The following TRDN variants were observed in gnomAD, a reference collection of about 807,000 sequenced individuals.
TRDN encodes triadin in skeletal muscle.
TRDN carries 161 observed loss-of-function variants against 149.7 expected under a neutral mutation model. The observed-to-expected ratio is 1.08, with a 90% CI of 0.95 to 1.23. The LOEUF (loss-of-function observed/expected upper bound fraction) is 1.23. Among genes scored for constraint, TRDN ranks in the 50% most tolerant of loss-of-function variants. TRDN has a pLI of 0.00. For synonymous variants in TRDN, 294 were observed against 250.5 expected (o/e 1.17, Z -1.64); for missense variants, 896 against 823.5 (o/e 1.09, Z -1.08).
chr6:123,388,487 AC>A (rs1241823324), intron 14 of TRDN, 34 bp downstream of exon 14: 97 of 1,575,998 alleles, frequency 6.2e-5, no homozygotes, highest in Non-Finnish European at 8.1e-5. Flanking sequence ...AATTGTACTC[AC>A]AAAAGGCTCA....
intron 34 of TRDN, 65 bp from the exon 35 acceptor site, chr6:123,259,727 G>C: frequency 8.5e-7 from 1 of 1,169,814 alleles, no homozygotes; most frequent in Non-Finnish European, 1.2e-6. Flanking sequence ...ACTCATTCTT[G>C]GAGTAAACAG....
intron 24 of TRDN, among the ~76,000 whole-genome samples, chr6:123,304,491 A>G (rs916426632): frequency 2.0e-5 from 3 of 151,902 alleles, no homozygotes; most frequent in African/African-American, 7.3e-5. Flanking sequence ...TGACCTCATG[A>G]TCCGCCAGCC....
chr6:123,464,701 A>G (rs1211309633), intron 10 of TRDN: 1 of 1,342,624 alleles, frequency 7.4e-7, no homozygotes, highest in South Asian at 1.9e-5. Flanking sequence ...GCTGAGGGTC[A>G]CCAATATAGA....
At position 123,389,552 on chromosome 6, in the gene TRDN, C is replaced by T. The variant is rs1241805747; in HGVS notation, c.1106-1001G>A. The T allele has an allele frequency of 2.6e-5, 4 of 152,068 alleles. No homozygotes were observed. In the South Asian group the frequency reaches 8.3e-4, roughly 32 times the overall value. 9.4% of individuals were successfully genotyped at this position (152,068 alleles called of 1,614,324 possible). On this transcript the variant is annotated intron_variant, in intron 13 of 40. Transcript: ENST00000334268. ...AGAGCAGAAAATGAAGCCTCTGAAACATTAAAATAATTTGCAGAGTATAAG... is the reference window on the plus strand; with the variant it reads ...AGAGCAGAAAATGAAGCCTCTGAAATATTAAAATAATTTGCAGAGTATAAG...
In TRDN at chr6:123,218,615, G is replaced by C; in HGVS notation, c.2176C>G (p.Gln726Glu). The change falls in exon 41 of 41, where the codon CAA becomes GAA. Residue 726 changes from glutamine to glutamate, a missense_variant. Transcript: ENST00000334268. Reference sequence around the variant, plus strand: ...TACATGTGTGTTTACTGTCCTTGTTGCTTCTGTCCTGGAGAATTTGCTTGA... The same window carrying C: ...TACATGTGTGTTTACTGTCCTTGTTCCTTCTGTCCTGGAGAATTTGCTTGA... ...SGQANSPGQK[Q>E]QGQ The C allele has an allele frequency of 6.2e-7, 1 of 1,611,506 alleles. No individual in the cohort carries two copies. Among genetic ancestry groups the C allele is most frequent in the Non-Finnish European group, 8.5e-7 (1 of 1,178,506 alleles).
At chr6:123,536,746 G>A (rs1218089359) in intron 4 of TRDN, among the ~76,000 whole-genome samples, 1 of 148,542 alleles carries the variant, frequency 6.7e-6, no homozygotes, top group African/African-American at 2.5e-5. Flanking sequence ...TGAGCTGGGT[G>A]TGGTGGTGCA....
At chr6:123,225,527 CACACACA>C (rs1775321909) in intron 38 of TRDN, among the ~76,000 whole-genome samples, 1 of 86,480 alleles carries the variant, frequency 1.2e-5, no homozygotes, top group Non-Finnish European at 3.4e-5. Context: ...CACACACACA[CACACACA>C]TACACACACA....
At chr6:123,229,161 G>C (rs1419294817) in intron 38 of TRDN, among the ~76,000 whole-genome samples, 2 of 151,870 alleles carry the variant, frequency 1.3e-5, no homozygotes, top group Admixed American at 6.6e-5. Flanking sequence ...TCCTATCCAA[G>C]CAGTTGTCTG....
chr6:123,436,113 A>G (rs561941129), intron 12 of TRDN, among the ~76,000 whole-genome samples: 1 of 152,234 alleles, frequency 6.6e-6, no homozygotes, highest in East Asian at 1.9e-4. Context: ...TTACAACTCA[A>G]AATTTTCTTC....
intron 21 of TRDN, chr6:123,352,152 G>C (rs1780483436): frequency 1.0e-6 from 1 of 983,694 alleles, no homozygotes; most frequent in South Asian, 4.7e-5. Flanking sequence ...AATAGTTTTT[G>C]CATGTATAGG....
At chr6:123,309,591 A>G (rs753772666) in intron 24 of TRDN, among the ~76,000 whole-genome samples, 5 of 152,014 alleles carry the variant, frequency 3.3e-5, no homozygotes, top group Non-Finnish European at 7.4e-5. Flanking sequence ...CATACTTTAT[A>G]GTAATTTCCT....
intron 23 of TRDN, among the ~76,000 whole-genome samples, chr6:123,328,258 G>A (rs897591146): frequency 6.6e-6 from 1 of 152,148 alleles, no homozygotes; most frequent in Non-Finnish European, 1.5e-5. Context: ...CACCTGGCAC[G>A]CATGCCCTCA....
At chr6:123,533,969 A>G (rs748084972) in intron 4 of TRDN, among the ~76,000 whole-genome samples, 1 of 152,144 alleles carries the variant, frequency 6.6e-6, no homozygotes, top group Non-Finnish European at 1.5e-5. Flanking sequence ...ACCCAGTTCT[A>G]CAACTTAGAT....
chr6:123,524,445 A>G (rs1475843471), intron 5 of TRDN, among the ~76,000 whole-genome samples: 1 of 152,152 alleles, frequency 6.6e-6, no homozygotes, highest in Non-Finnish European at 1.5e-5. Flanking sequence ...TTATCCAATT[A>G]AGAAAATACT....
intron 12 of TRDN, among the ~76,000 whole-genome samples, chr6:123,422,301 G>C (rs896811263): frequency 1.4e-4 from 21 of 152,172 alleles, no homozygotes; most frequent in Admixed American, 1.3e-3. Context: ...AATTTCCTTA[G>C]AATTTTGAGT....
At chr6:123,247,124 T>C (rs998925830) in intron 38 of TRDN, among the ~76,000 whole-genome samples, 17 of 152,186 alleles carry the variant, frequency 1.1e-4, no homozygotes, top group Non-Finnish European at 2.1e-4. Context: ...GAGCTATTTA[T>C]GACAAACCCA....
At chr6:123,524,046 T>A (rs1583187301) in intron 5 of TRDN, among the ~76,000 whole-genome samples, 1 of 152,146 alleles carries the variant, frequency 6.6e-6, no homozygotes, top group East Asian at 1.9e-4. Context: ...GCATTACTTC[T>A]CAAACATTAA....
chr6:123,255,578 GA>G (rs1476659944), intron 36 of TRDN, among the ~76,000 whole-genome samples: 1 of 151,948 alleles, frequency 6.6e-6, no homozygotes, highest in Non-Finnish European at 1.5e-5. Context: ...CCAATGTTAA[GA>G]AAAACGGCAG....
chr6:123,268,957 C>T (rs182222376), intron 31 of TRDN, among the ~76,000 whole-genome samples: 1 of 151,994 alleles, frequency 6.6e-6, no homozygotes, highest in East Asian at 1.9e-4. Flanking sequence ...TTCATTTGTG[C>T]TATATAGCCT....
Sources: allele counts gnomAD v4.1 joint callset (sites outside exome capture counted in the v4.1 genomes callset), GRCh38; gene constraint gnomAD v4.1.1; transcripts MANE v1.5; gene names NCBI Gene and HGNC (gene_info 2026-07-23, HGNC 2026-07-21).